SKI: variants seen among roughly 807,000 people sequenced by gnomAD.
SKI encodes the protein SKI proto-oncogene.
A neutral mutation model predicts 59.3 loss-of-function variants in SKI; 23 were observed. The ratio of observed to expected loss-of-function variants is 0.39; its 90% confidence interval spans 0.28 to 0.55. The LOEUF is 0.55. Among genes scored for constraint, SKI ranks in the 20% least tolerant of loss-of-function variants. The probability of loss-of-function intolerance (pLI) is 0.67; values close to 1 mark genes in which losing one functional copy is unlikely to be tolerated. For synonymous variants in SKI, 673 were observed against 488.6 expected, an observed-to-expected ratio of 1.38 and a Z score of -4.98; for missense variants, 1,017 against 1,038.9, an observed-to-expected ratio of 0.98 and a Z score of 0.29.
chr1:2,283,903 C>T (rs115110066), intron 1 of SKI, among the ~76,000 whole-genome samples: 1,873 of 152,280 alleles, frequency 0.012, 40 homozygotes, highest in African/African-American at 0.043. Context: ...GACCCGCTGG[C>T]GGGTGGGGGC....
intron 1 of SKI, among the ~76,000 whole-genome samples, chr1:2,283,497 C>T (rs928638649): frequency 1.2e-4 from 18 of 152,324 alleles, no homozygotes; most frequent in African/African-American, 3.1e-4. Flanking sequence ...CCATGTGGGC[C>T]GGGGCCAGGA....
chr1:2,252,317 C>T (rs183599079), intron 1 of SKI, among the ~76,000 whole-genome samples: 46 of 152,246 alleles, frequency 3.0e-4, no homozygotes, highest in Non-Finnish European at 1.5e-4. Flanking sequence ...TGGCCTGGCT[C>T]GATTGAGAAT....
chr1:2,266,181 CCTGT>C, intron 1 of SKI, among the ~76,000 whole-genome samples: 2 of 152,226 alleles, frequency 1.3e-5, no homozygotes, highest in Middle Eastern at 6.8e-3. Flanking sequence ...TGGGCAATTT[CCTGT>C]CTGTCGGGTG....
Position 2,268,892 on chromosome 1 carries a change from C to G in SKI, c.970-34086C>G, listed in dbSNP as rs1639555542. On this transcript the variant is annotated intron_variant, in intron 1 of 6. Transcript: ENST00000378536. This position sits in a 1 kb window ranked among gnomAD's most constrained non-coding sequence, Gnocchi z 5.0. ...TCTGCCTTTCCCCTTTATCCTTTCC[C>G]CCCTTCCATGTCCATTTCCCTTTTC... 6.6e-6 allele frequency among the ~76,000 whole-genome samples: 1 copy of G among 151,678 alleles called. No homozygotes were observed. Among genetic ancestry groups the G allele is most frequent in the African/African-American group, 2.4e-5 (1 of 41,260 alleles).
intron 1 of SKI, among the ~76,000 whole-genome samples, chr1:2,257,477 G>A (rs1028862159): frequency 2.6e-5 from 4 of 152,224 alleles, no homozygotes; most frequent in Non-Finnish European, 4.4e-5. Flanking sequence ...GCTCCCTAGC[G>A]TCTGCCTCTG....
chr1:2,287,795 G>A (rs577053421), intron 1 of SKI, among the ~76,000 whole-genome samples: 2 of 152,130 alleles, frequency 1.3e-5, no homozygotes, highest in African/African-American at 4.8e-5. Flanking sequence ...CCCTCACCTT[G>A]GGGGATGAGC....
At chr1:2,298,909 G>A (rs749119330) in intron 1 of SKI, among the ~76,000 whole-genome samples, 17 of 152,220 alleles carry the variant, frequency 1.1e-4, no homozygotes, top group Non-Finnish European at 1.9e-4. Context: ...CCGCCTCCCC[G>A]GAGTCTTGCC....
At position 2,234,922 on chromosome 1, in the gene SKI, G is replaced by C. The variant is rs185076740; in HGVS notation, c.969+5187G>C. On this transcript the variant is annotated intron_variant, in intron 1 of 6. Coordinates refer to ENST00000378536, the MANE Select transcript of SKI (RefSeq NM_003036.4). Reference sequence around the variant, plus strand: ...GGTCACCAGGCCAGGGTGTCATGGAGGGGGGGCTGCCTGGGGACCAGCTCT... The same window carrying C: ...GGTCACCAGGCCAGGGTGTCATGGACGGGGGGCTGCCTGGGGACCAGCTCT... Among the ~76,000 whole-genome samples the C allele has an allele frequency of 2.5e-3, 380 of 152,192 alleles. 3 individuals are homozygous for C. The highest frequency in any genetic ancestry group is 0.023 in the East Asian group (117 of 5,188).
chr1:2,302,707 G>A (rs1380156433), intron 1 of SKI, among the ~76,000 whole-genome samples: 1 of 152,176 alleles, frequency 6.6e-6, no homozygotes, highest in Non-Finnish European at 1.5e-5. Context: ...GAGGTCACCC[G>A]GAATGGCAGG....
At chr1:2,265,799 T>A (rs1036242880) in intron 1 of SKI, among the ~76,000 whole-genome samples, 4 of 152,060 alleles carry the variant, frequency 2.6e-5, no homozygotes, top group Non-Finnish European at 2.9e-5. Context: ...AAACCCTGTC[T>A]CTACTTAAAA....
intron 1 of SKI, among the ~76,000 whole-genome samples, chr1:2,265,182 G>A (rs952429103): frequency 2.0e-5 from 3 of 152,150 alleles, no homozygotes; most frequent in Admixed American, 6.5e-5. Context: ...TCCCCGTGCC[G>A]CATGTGTTTG....
intron 1 of SKI, among the ~76,000 whole-genome samples, chr1:2,290,711 C>G (rs764530377): frequency 6.6e-6 from 1 of 152,198 alleles, no homozygotes; most frequent in African/African-American, 2.4e-5. Flanking sequence ...CTTCACTGGT[C>G]TGAGGGCCCC....
intron 1 of SKI, among the ~76,000 whole-genome samples, chr1:2,277,022 G>T (rs1639757305): frequency 6.6e-6 from 1 of 152,212 alleles, no homozygotes; most frequent in Non-Finnish European, 1.5e-5. Flanking sequence ...GGGTGCTGGA[G>T]CGGTTGCTTC....
intron 1 of SKI, among the ~76,000 whole-genome samples, chr1:2,296,760 C>T (rs1407328365): frequency 1.3e-5 from 2 of 152,118 alleles, no homozygotes; most frequent in African/African-American, 4.8e-5. Context: ...TGTGTTTTCT[C>T]TCTGTTCCTT....
At chr1:2,298,729 C>T (rs1244770273) in intron 1 of SKI, among the ~76,000 whole-genome samples, 6 of 152,316 alleles carry the variant, frequency 3.9e-5, no homozygotes, top group South Asian at 4.1e-4. Context: ...CAGAGACAGA[C>T]GTGGCCGATC....
At chr1:2,260,544 T>TTTG (rs748495193) in intron 1 of SKI, among the ~76,000 whole-genome samples, 1 of 128,718 alleles carries the variant, frequency 7.8e-6, no homozygotes, top group Admixed American at 7.7e-5. Context: ...TCTTTTTTTT[T>TTTG]TTTTTTTTTT....
chr1:2,276,041 C>G (rs6671815), intron 1 of SKI, among the ~76,000 whole-genome samples: 55,300 of 152,078 alleles, frequency 0.36, 10,211 homozygotes, highest in South Asian at 0.53. Flanking sequence ...TCTCCTTGTG[C>G]TCTTTCAAGC....
intron 1 of SKI, chr1:2,240,544 C>T (rs10797415): frequency 0.14 from 139,909 of 985,208 alleles, 12,506 homozygotes; most frequent in East Asian, 0.62. Context: ...GGACTGGGAC[C>T]GCTGGCTTCC....
intron 1 of SKI, among the ~76,000 whole-genome samples, chr1:2,273,478 C>T (rs1324035422): frequency 2.0e-5 from 3 of 152,112 alleles, no homozygotes; most frequent in Non-Finnish European, 4.4e-5. Flanking sequence ...GGCTGCCATG[C>T]CTCATTCTGT....
Sources: allele counts gnomAD v4.1 joint callset (sites outside exome capture counted in the v4.1 genomes callset), GRCh38; gene constraint gnomAD v4.1.1; non-coding constraint Gnocchi (gnomAD v3.1); transcripts MANE v1.5; gene names NCBI Gene and HGNC (gene_info 2026-07-23, HGNC 2026-07-21).